Variants in TBC1D12 observed in about 807,000 individuals in gnomAD.
The protein encoded by TBC1D12 is TBC1 domain family member 12.
A neutral mutation model predicts 86.7 loss-of-function variants in TBC1D12; 56 were observed. The ratio of observed to expected loss-of-function variants is 0.65; its 90% CI spans 0.52 to 0.81. TBC1D12 has a LOEUF of 0.81. Among genes scored for constraint, TBC1D12 ranks in the 30% least tolerant of loss-of-function variants. The probability of loss-of-function intolerance (pLI) is 0.00; values close to 1 mark genes in which losing one functional copy is unlikely to be tolerated. For synonymous variants in TBC1D12, 421 were observed against 411.7 expected, an observed-to-expected ratio of 1.02 and a Z score of -0.27; for missense variants, 1,023 against 1,038.8, an observed-to-expected ratio of 0.98 and a Z score of 0.21.
At chr10:94,513,866 T>C (rs1332605309) in intron 9 of TBC1D12, among the ~76,000 whole-genome samples, 1 of 152,146 alleles carries the variant, frequency 6.6e-6, no homozygotes, top group African/African-American at 2.4e-5. Context: ...GCTGATATTA[T>C]GATTTTTTTA....
Position 94,446,719 on chromosome 10 carries a change from A to C in TBC1D12, c.1095+4700A>C, listed in dbSNP as rs374063326. Among the ~76,000 whole-genome samples the C allele has an allele frequency of 1.7e-4, 26 of 152,276 alleles. 1 individual carries two copies. Among genetic ancestry groups the C allele is most frequent in the African/African-American group, 6.0e-4 (25 of 41,540 alleles). On this transcript the variant is annotated intron_variant, in intron 2 of 12. Coordinates refer to ENST00000225235, the MANE Select transcript of TBC1D12 (RefSeq NM_015188.2). ...TGCCATATTTTTAAATATGTTATTA[A>C]ACCAAACATTTCTTTAATGGAAAGA...
At chr10:94,507,371 G>T in intron 7 of TBC1D12, 24 bp downstream of exon 7, 2 of 1,570,276 alleles carry the variant, frequency 1.3e-6, no homozygotes, top group Non-Finnish European at 1.7e-6. Flanking sequence ...TTTTAAATAA[G>T]AATTTTAGGA....
intron 1 of TBC1D12, among the ~76,000 whole-genome samples, chr10:94,411,357 T>A (rs564969515): frequency 9.0e-4 from 137 of 152,330 alleles, no homozygotes; most frequent in African/African-American, 2.6e-3. Flanking sequence ...CCATGAGTTA[T>A]TTCATGAAGG....
intron 2 of TBC1D12, among the ~76,000 whole-genome samples, chr10:94,474,161 T>C (rs559856413): frequency 2.0e-5 from 3 of 152,304 alleles, no homozygotes; most frequent in Admixed American, 6.5e-5. Context: ...GTTTAGGAAG[T>C]AGGCTTATCT....
intron 11 of TBC1D12, among the ~76,000 whole-genome samples, chr10:94,530,411 T>C (rs1373410211): frequency 6.6e-6 from 1 of 152,188 alleles, no homozygotes; most frequent in Admixed American, 6.5e-5. Context: ...TGGATGTTTG[T>C]GCAAGGGGAA....
At chr10:94,501,072 A>AAATGAATGAATG (rs199587549) in intron 6 of TBC1D12, among the ~76,000 whole-genome samples, 13 of 143,236 alleles carry the variant, frequency 9.1e-5, no homozygotes, top group African/African-American at 2.8e-4. Context: ...ATGAATGAAT[A>AAATGAATGAATG]AATGAATGAA....
intron 1 of TBC1D12, among the ~76,000 whole-genome samples, chr10:94,437,990 GCTTT>G (rs138476374): frequency 1.5e-5 from 1 of 66,950 alleles, no homozygotes; most frequent in South Asian, 5.1e-4. Context: ...ATCTCCTGGA[GCTTT>G]TTTTTTTTTT....
At chr10:94,445,561 A>G (rs2055449859) in intron 2 of TBC1D12, among the ~76,000 whole-genome samples, 1 of 152,042 alleles carries the variant, frequency 6.6e-6, no homozygotes, top group Non-Finnish European at 1.5e-5. Context: ...AGCTATTAGT[A>G]TATGTTTTAG....
At chr10:94,439,865 A>G (rs1165257637) in intron 1 of TBC1D12, among the ~76,000 whole-genome samples, 2 of 152,260 alleles carry the variant, frequency 1.3e-5, no homozygotes, top group Non-Finnish European at 2.9e-5. Context: ...TAAGATGTAG[A>G]CATTTGTTTA....
intron 2 of TBC1D12, among the ~76,000 whole-genome samples, chr10:94,453,029 TATG>T (rs2055574794): frequency 6.6e-6 from 1 of 152,218 alleles, no homozygotes. Context: ...CCTAATGACA[TATG>T]ATGTTGAACA....
intron 9 of TBC1D12, among the ~76,000 whole-genome samples, chr10:94,516,400 A>C (rs563545389): frequency 1.3e-5 from 2 of 152,298 alleles, no homozygotes; most frequent in East Asian, 3.9e-4. Flanking sequence ...GGCATATATA[A>C]ATTTTCAATC....
intron 6 of TBC1D12, among the ~76,000 whole-genome samples, chr10:94,501,758 G>A (rs1305604414): frequency 6.6e-6 from 1 of 151,684 alleles, no homozygotes; most frequent in African/African-American, 2.4e-5. Context: ...ATGCTGGCCA[G>A]GCTGGTCTCA....
At chr10:94,419,506 C>G (rs558525647) in intron 1 of TBC1D12, among the ~76,000 whole-genome samples, 206 of 152,172 alleles carry the variant, frequency 1.4e-3, no homozygotes, top group Non-Finnish European at 2.3e-3. Flanking sequence ...AACCCCGTCT[C>G]TACTAAAAAT....
intron 9 of TBC1D12, among the ~76,000 whole-genome samples, chr10:94,514,947 G>A (rs976976869): frequency 1.6e-5 from 2 of 123,408 alleles, no homozygotes; most frequent in Admixed American, 1.0e-4. Flanking sequence ...TCACTCTGTC[G>A]CCCAGGCTGG....
At chr10:94,519,399 A>G (rs1842082448) in intron 9 of TBC1D12, among the ~76,000 whole-genome samples, 1 of 152,074 alleles carries the variant, frequency 6.6e-6, no homozygotes, top group African/African-American at 2.4e-5. Flanking sequence ...GGCTTTAAAC[A>G]CCACAAATTA....
intron 6 of TBC1D12, among the ~76,000 whole-genome samples, chr10:94,502,549 A>AT (rs2056412081): frequency 1.3e-5 from 2 of 151,974 alleles, no homozygotes; most frequent in Admixed American, 6.5e-5. Flanking sequence ...TACAAAAAAA[A>AT]TCTCAAAATT....
chr10:94,429,475 T>A (rs981441969), intron 1 of TBC1D12, among the ~76,000 whole-genome samples: 9 of 152,134 alleles, frequency 5.9e-5, no homozygotes, highest in African/African-American at 2.2e-4. Context: ...ATGTTAGTAA[T>A]CTTTGTGCCA....
At chr10:94,504,525 T>A (rs2056437414) in intron 6 of TBC1D12, among the ~76,000 whole-genome samples, 1 of 152,206 alleles carries the variant, frequency 6.6e-6, no homozygotes, top group South Asian at 2.1e-4. Context: ...TTAATCTTGT[T>A]TACTTTTGAA....
intron 2 of TBC1D12, among the ~76,000 whole-genome samples, chr10:94,444,657 G>A (rs978853218): frequency 1.3e-5 from 2 of 151,718 alleles, no homozygotes; most frequent in African/African-American, 4.8e-5. Context: ...TTACTGGTTG[G>A]ATAATTATCT....
Sources: allele counts gnomAD v4.1 joint callset (sites outside exome capture counted in the v4.1 genomes callset), GRCh38; gene constraint gnomAD v4.1.1; transcripts MANE v1.5; gene names NCBI Gene and HGNC (gene_info 2026-07-23, HGNC 2026-07-21).